The following ANKRD36C variants were observed in gnomAD, a reference collection of about 807,000 sequenced individuals.
The protein encoded by ANKRD36C is ankyrin repeat domain-containing protein 36C.
A neutral mutation model predicts 276.4 loss-of-function variants in ANKRD36C; 61 were observed. The ratio of observed to expected loss-of-function variants is 0.22; its 90% CI spans 0.18 to 0.27. The LOEUF is 0.27. Among genes scored for constraint, ANKRD36C ranks in the 10% least tolerant of loss-of-function variants. The pLI is 1.00. For missense variants in ANKRD36C, 1,447 were observed against 2,032.3 expected (o/e 0.71, Z 5.54); for synonymous variants, 483 against 680.1 (o/e 0.71, Z 4.51).
At position 95,888,067 on chromosome 2, in the gene ANKRD36C, A is replaced by G. The variant is rs1158936958; in HGVS notation, c.2988+25T>C. The G allele has an allele frequency of 1.9e-6, 3 of 1,609,820 alleles. No individual in the cohort carries two copies. In the African/African-American group the frequency reaches 4.0e-5, roughly 22 times the overall value. On this transcript the variant is annotated intron_variant, in intron 49 of 66. Transcript: ENST00000456556. ...TCATAGACCACACAGTTAATAGTTC[A>G]CAATATAAATGACAGTTTAATTACC...
At chr2:95,885,959 C>G in intron 52 of ANKRD36C, 89 bp downstream of exon 72, 5 of 1,554,228 alleles carry the variant, frequency 3.2e-6, no homozygotes, top group Non-Finnish European at 4.4e-6. Flanking sequence ...AAACATAAAG[C>G]TTCAATGAAC....
intron 3 of ANKRD36C, 68 bp from the exon 4 acceptor site, chr2:95,982,430 T>C: frequency 7.6e-7 from 1 of 1,312,908 alleles, no homozygotes; most frequent in Non-Finnish European, 1.1e-6. Context: ...GAAAACCTTA[T>C]GTAAGATCCT....
At chr2:95,867,358 C>T (rs1675704484) in intron 60 of ANKRD36C, 82 bp downstream of exon 80, 4 of 591,930 alleles carry the variant, frequency 6.8e-6, no homozygotes, top group Non-Finnish European at 9.0e-6. Flanking sequence ...CATATCAGTA[C>T]TCTATGGTAC....
chr2:95,889,653 A>C, intron 48 of ANKRD36C, 146 bp downstream of exon 68: 1 of 1,153,236 alleles, frequency 8.7e-7, no homozygotes, highest in Non-Finnish European at 1.2e-6. Context: ...CATCAGGGTC[A>C]CCTGAGAACT....
chr2:95,882,967 A>G (rs554876103), intron 54 of ANKRD36C, among the ~76,000 whole-genome samples: 8 of 152,242 alleles, frequency 5.3e-5, no homozygotes, highest in African/African-American at 7.2e-5. Flanking sequence ...CACAATGACA[A>G]TGACACTTTA....
At chr2:95,884,272 A>C in intron 53 of ANKRD36C, 27 bp from the exon 74 acceptor site, 2 of 1,609,934 alleles carry the variant, frequency 1.2e-6, no homozygotes, top group Non-Finnish European at 1.7e-6. Context: ...ACAAAATAAT[A>C]AATCAATAAA....
chr2:95,979,878 G>A (rs562514533), intron 5 of ANKRD36C, among the ~76,000 whole-genome samples: 3,972 of 152,052 alleles, frequency 0.026, 186 homozygotes, highest in African/African-American at 0.092. Flanking sequence ...GTGTCAATTT[G>A]CTCCGTATGT....
chr2:95,915,774 C>T (rs1338432571), intron 38 of ANKRD36C, among the ~76,000 whole-genome samples: 1 of 151,482 alleles, frequency 6.6e-6, no homozygotes. Context: ...CTCCCAATTG[C>T]AATGTGGGGA....
chr2:95,910,693 T>C (rs1335000064), intron 42 of ANKRD36C, 125 bp from the exon 45 acceptor site: 1 of 1,533,946 alleles, frequency 6.5e-7, no homozygotes, highest in Non-Finnish European at 8.8e-7. Flanking sequence ...TGATGGCTTC[T>C]ACTTTGTGTC....
In ANKRD36C at chr2:95,914,039, T is replaced by A. The variant is rs191126466; in HGVS notation, c.2551+69A>T. 3.9e-5 allele frequency: 56 copies of A among 1,439,742 alleles called. No homozygotes were observed. The East Asian group carries it at 1.2e-3, about 31-fold the overall frequency. 89.2% of individuals were successfully genotyped at this position (1,439,742 alleles called of 1,614,324 possible). Reference sequence around the variant, plus strand: ...GCAGCTTCAACGAGCCCCCCGCTGATTTCTTCAGGGAAGAGAATTTCTTAT... The same window carrying A: ...GCAGCTTCAACGAGCCCCCCGCTGAATTCTTCAGGGAAGAGAATTTCTTAT... On this transcript the variant is annotated intron_variant, in intron 40 of 66. Coordinates refer to ENST00000456556, the Ensembl canonical transcript of ANKRD36C.
chr2:95,896,367 A>C (rs2104367220), intron 44 of ANKRD36C, among the ~76,000 whole-genome samples: 1 of 148,738 alleles, frequency 6.7e-6, no homozygotes, highest in South Asian at 2.1e-4. Flanking sequence ...TCATTCAGAA[A>C]TCACTGCAAT....
At position 95,919,284 on chromosome 2, in the gene ANKRD36C, G is replaced by A. The variant is rs1261562118; in HGVS notation, c.2246-1242C>T. On this transcript the variant is annotated intron_variant, in intron 34 of 66. Transcript: ENST00000456556. Reference sequence around the variant, plus strand: ...ATCCATCATCCTTGGGAAAATAATTGCTACATCAGGGGTCTCCTTAGTTCT... The same window carrying A: ...ATCCATCATCCTTGGGAAAATAATTACTACATCAGGGGTCTCCTTAGTTCT... Among the ~76,000 whole-genome samples, 7 of 133,238 alleles carry A rather than the reference G, an allele frequency of 5.3e-5. 2 individuals carry two copies. Among genetic ancestry groups the A allele is most frequent in the Non-Finnish European group, 8.4e-5 (5 of 59,410 alleles). The allele number at this position is 133,238 out of a possible 152,430, so 87.4% of individuals were successfully genotyped here.
chr2:95,929,025 C>G (rs1677489171), intron 26 of ANKRD36C, 47 bp downstream of exon 26: 2 of 1,598,632 alleles, frequency 1.3e-6, no homozygotes, highest in South Asian at 2.2e-5. Context: ...GGGAAGTTCT[C>G]TTCCATCTTG....
chr2:95,854,396 C>T (rs1476414337), intron 63 of ANKRD36C, among the ~76,000 whole-genome samples: 6 of 151,818 alleles, frequency 4.0e-5, no homozygotes, highest in African/African-American at 1.5e-4. Context: ...CGTACTCACT[C>T]CATTCCTACT....
downstream of ANKRD36C, among the ~76,000 whole-genome samples, chr2:95,850,520 T>G: frequency 6.6e-6 from 1 of 152,068 alleles, no homozygotes; most frequent in Admixed American, 6.6e-5. Context: ...CAGCTGGAGG[T>G]GAAGACGATC....
chr2:95,941,453 A>G (rs912971302), intron 19 of ANKRD36C, among the ~76,000 whole-genome samples: 1 of 152,294 alleles, frequency 6.6e-6, no homozygotes, highest in Admixed American at 6.5e-5. Context: ...CACAAAGGCA[A>G]TAACACTTAT....
intron 13 of ANKRD36C, among the ~76,000 whole-genome samples, chr2:95,955,152 A>T (rs967834370): frequency 1.2e-4 from 18 of 152,224 alleles, no homozygotes; most frequent in African/African-American, 4.1e-4. Context: ...AAAAAAAGAG[A>T]CATCCACCCT....
chr2:95,934,121 G>A (rs1436867148), intron 24 of ANKRD36C, among the ~76,000 whole-genome samples: 1 of 152,170 alleles, frequency 6.6e-6, no homozygotes, highest in Non-Finnish European at 1.5e-5. Context: ...TGGAGAGGAT[G>A]TGGAGAAATA....
chr2:95,991,504 C>G lies in ANKRD36C; in HGVS notation c.197+8G>C. 6.3e-7 allele frequency: 1 copy of G among 1,587,846 alleles called. No individual in the cohort carries two copies. The highest frequency in any genetic ancestry group is 8.6e-7 in the Non-Finnish European group (1 of 1,166,592). ...CCTCCCGCAGCCCCGGCTCCCGGCC[C>G]CCATTACCTTTCCTTCCTGTCTCTC... On this transcript the variant is annotated splice_region_variant and intron_variant, in intron 1 of 66. Transcript: ENST00000456556.
Sources: gnomAD v4.1 joint callset for allele counts (sites outside exome capture counted in the v4.1 genomes callset) on GRCh38, gnomAD v4.1.1 for gene constraint, MANE v1.5 for transcripts, NCBI Gene and HGNC (gene_info 2026-07-23, HGNC 2026-07-21) for gene names.